CAMTA2: variants seen among roughly 807,000 people sequenced by gnomAD.
CAMTA2 encodes the protein calmodulin binding transcription activator 2, also known as calmodulin-binding transcription activator 2.
A neutral mutation model predicts 135.7 loss-of-function variants in CAMTA2; 56 were observed. The observed-to-expected ratio is 0.41, with a 90% CI of 0.33 to 0.52. The LOEUF (loss-of-function observed/expected upper bound fraction) is 0.52, where lower values mean the gene tolerates loss of function less well. Ranked by LOEUF, CAMTA2 falls within the 20% of genes least tolerant of loss-of-function variation. The pLI is 0.16. For missense variants in CAMTA2, 1,358 were observed against 1,553.4 expected (o/e 0.87, Z 2.11); for synonymous variants, 591 against 604.6 (o/e 0.98, Z 0.33).
At chr17:4,984,044 G>A (rs1452812632) in intron 3 of CAMTA2, among the ~76,000 whole-genome samples, 1 of 152,048 alleles carries the variant, frequency 6.6e-6, no homozygotes, top group Non-Finnish European at 1.5e-5. Context: ...TCTTCCTCCT[G>A]GGTTCATGCC....
In CAMTA2 at chr17:4,970,493, G is replaced by A. The variant is rs765108075; in HGVS notation, c.2852C>T (p.Pro951Leu). 34 of 1,613,648 alleles carry A rather than the reference G, an allele frequency of 2.1e-5. 1 individual carries two copies. The highest frequency in any genetic ancestry group is 2.0e-4 in the Admixed American group (12 of 60,004). The change falls in exon 17 of 23, where the codon CCG becomes CTG. Residue 951 changes from proline (P) to leucine (L), a missense_variant. Coordinates refer to ENST00000348066, the MANE Select transcript of CAMTA2 (RefSeq NM_015099.4). ...SLAKQIIEATPERIKREDFVG... is the reference protein window; with the variant it reads ...SLAKQIIEATLERIKREDFVG... ...GAAGTCCTCTCGTTTAATCCGCTCC[G>A]GTGTGGCTTCGATGATCTGCTTGGC...
At chr17:4,976,924 G>C in intron 11 of CAMTA2, 134 bp downstream of exon 11, 3 of 817,210 alleles carry the variant, frequency 3.7e-6, no homozygotes, top group Non-Finnish European at 3.8e-6. Flanking sequence ...AATCACTAAT[G>C]AAATAGGAAT....
intron 11 of CAMTA2, among the ~76,000 whole-genome samples, chr17:4,975,991 G>T (rs1972589525): frequency 6.6e-6 from 1 of 152,216 alleles, no homozygotes; most frequent in African/African-American, 2.4e-5. Context: ...TCACTGAGAA[G>T]TAGTAGTATA....
At position 4,985,865 on chromosome 17, in the gene CAMTA2, G is replaced by C; in HGVS notation, c.135+15C>G. ...AGGTCTTGCTGGGCCCCAACCCCCAGCCTCCCTAGAAAACCTCATTTGTAT... is the reference window on the plus strand; with the variant it reads ...AGGTCTTGCTGGGCCCCAACCCCCACCCTCCCTAGAAAACCTCATTTGTAT... On this transcript the variant is annotated intron_variant, in intron 3 of 22. Coordinates refer to ENST00000348066, the MANE Select transcript of CAMTA2 (RefSeq NM_015099.4). The C allele has an allele frequency of 6.3e-7, 1 of 1,588,234 alleles. No homozygotes were observed. Among genetic ancestry groups the C allele is most frequent in the Non-Finnish European group, 8.6e-7 (1 of 1,156,922 alleles).
At chr17:4,986,892 T>G (rs1353716974) in intron 1 of CAMTA2, 1 of 1,333,160 alleles carries the variant, frequency 7.5e-7, no homozygotes. Context: ...CTGACAGCCC[T>G]CTCTACGTAG....
intron 10 of CAMTA2, among the ~76,000 whole-genome samples, chr17:4,977,868 G>A (rs1485029438): frequency 6.6e-6 from 1 of 152,210 alleles, no homozygotes; most frequent in African/African-American, 2.4e-5. Flanking sequence ...ATGAAGTCTA[G>A]ACCAGTGCTG....
intron 12 of CAMTA2, 81 bp from the exon 13 acceptor site, chr17:4,973,850 C>T: frequency 7.7e-7 from 1 of 1,303,708 alleles, no homozygotes; most frequent in Non-Finnish European, 1.0e-6. Context: ...TCACATCTGT[C>T]CTCCCAGCTT....
rs1312586084 is a variant in CAMTA2, at chr17:4,969,349, G to T, written c.3283-12C>A. On this transcript the variant is annotated splice_polypyrimidine_tract_variant and intron_variant, in intron 20 of 22. Transcript: ENST00000348066. The surrounding 1 kb of genome is among the most constrained non-coding windows in gnomAD (Gnocchi z 5.6). The stretch of plus-strand genomic sequence containing the variant: ...TTATAGAGTGCAAACTGCAGGGGTG[G>T]GGAGGAGGGACAGGGGCTGAAATAG... The T allele has an allele frequency of 3.1e-6, 5 of 1,613,374 alleles. No individual in the cohort carries two copies. Among genetic ancestry groups the T allele is most frequent in the Non-Finnish European group, 4.2e-6 (5 of 1,179,540 alleles).
Position 4,981,731 on chromosome 17 carries a change from C to A in CAMTA2, c.512G>T (p.Arg171Leu). ...PIFCSISSDR[R>L]EWLKWSREEL... ...CTCCCGGGACCACTTCAGCCACTCT[C>A]GACGGTCGCTGCTGATGGAACAAAA... is the stretch of plus-strand genomic sequence containing the variant. Residue 171 changes from arginine (R) to leucine (L), a missense_variant, in exon 7 of 23, where the codon CGA (arginine) becomes CTA (leucine). Coordinates refer to ENST00000348066, the MANE Select transcript of CAMTA2 (RefSeq NM_015099.4). The A allele has an allele frequency of 1.2e-6, 2 of 1,613,602 alleles. No individual in the cohort carries two copies. The highest frequency in any genetic ancestry group is 1.7e-6 in the Non-Finnish European group (2 of 1,179,758).
In CAMTA2 at chr17:4,968,570, C is replaced by T. The variant is rs1417343797; in HGVS notation, c.*186G>A. ...AGCCAGGACCAAAAGAGACGGGGCA[C>T]GACCAGGAGGGACGAGGAGAGGGGT... On this transcript the variant is annotated 3_prime_UTR_variant, in exon 23 of 23. Coordinates refer to ENST00000348066, the MANE Select transcript of CAMTA2 (RefSeq NM_015099.4). 5 of 639,448 alleles carry T rather than the reference C, an allele frequency of 7.8e-6. No individual in the cohort carries two copies. Among genetic ancestry groups the T allele is most frequent in the African/African-American group, 3.7e-5 (2 of 54,568 alleles). 39.6% of individuals were successfully genotyped at this position (639,448 alleles called of 1,614,324 possible). A position where few individuals can be genotyped will look rare whatever the true frequency, so the allele number is the denominator to read the frequency against.
In CAMTA2 at chr17:4,978,562, A is replaced by G; in HGVS notation, c.1707T>C (p.Asp569=). 1.2e-6 allele frequency: 2 copies of G among 1,614,142 alleles called. No individual in the cohort carries two copies. Among genetic ancestry groups the G allele is most frequent in the Non-Finnish European group, 1.7e-6 (2 of 1,179,994 alleles). Residue 569 remains aspartate (D), a synonymous_variant, in exon 10 of 23, where the codon GAT becomes GAC. Coordinates refer to ENST00000348066, the MANE Select transcript of CAMTA2 (RefSeq NM_015099.4). ...EAAEHYSCVF[D]HIAVPASLVQ... ...CAAGTGAGGCTGGCACTGCGATGTG[A>G]TCAAAGACACAGGAGTAATGCTCGG... is the stretch of plus-strand genomic sequence containing the variant.
Position 4,969,738 on chromosome 17 carries a change from A to G in CAMTA2, c.3190-37T>C. The G allele has an allele frequency of 3.1e-6, 5 of 1,611,696 alleles. No individual in the cohort carries two copies. The highest frequency in any genetic ancestry group is 1.7e-4 in the Middle Eastern group (1 of 5,954). The stretch of plus-strand genomic sequence containing the variant: ...GAAGTCTCACCACCTCATGACCCAC[A>G]TAATGGCATATCTGACTTGTCCCTT... On this transcript the variant is annotated intron_variant, in intron 18 of 22. Transcript: ENST00000348066. The surrounding 1 kb of genome is among the most constrained non-coding windows in gnomAD (Gnocchi z 5.6).
chr17:4,969,439 C>G lies in CAMTA2; in HGVS notation c.3282+61G>C. 1.2e-6 allele frequency: 2 copies of G among 1,609,928 alleles called. No homozygotes were observed. Among genetic ancestry groups the G allele is most frequent in the Non-Finnish European group, 1.7e-6 (2 of 1,176,198 alleles). ...GGCTGATGCAAGACTCTCTGTAACC[C>G]ACACACTCAAGGAAAGACTGAATCA... On this transcript the variant is annotated intron_variant, in intron 20 of 22. Transcript: ENST00000348066. This position sits in a 1 kb window ranked among gnomAD's most constrained non-coding sequence, Gnocchi z 5.6.
chr17:4,973,875 T>C, intron 12 of CAMTA2, 106 bp from the exon 13 acceptor site: 1 of 871,600 alleles, frequency 1.1e-6, no homozygotes, highest in South Asian at 1.8e-5. Context: ...TTTTGCCCCC[T>C]CCCCACATGT....
chr17:4,970,350 T>C lies in CAMTA2; in HGVS notation c.2995A>G (p.Thr999Ala), dbSNP rs1972202923. 6.2e-7 allele frequency: 1 copy of C among 1,614,146 alleles called. No individual in the cohort carries two copies. Among genetic ancestry groups the C allele is most frequent in the Non-Finnish European group, 8.5e-7 (1 of 1,180,002 alleles). The change falls in exon 17 of 23, where the codon ACC becomes GCC. Residue 999 changes from threonine to alanine, a missense_variant. Transcript: ENST00000348066. Reference protein sequence around the residue: ...LENVDHFPSSTPPSELPFERG... With the variant: ...LENVDHFPSSAPPSELPFERG... ...TCCTGAGCTAGTCACCTGGGAGGGG[T>C]TGAGCTGGGGAAATGGTCCACATTC...
chr17:4,985,449 A>G (rs761471657), intron 3 of CAMTA2, among the ~76,000 whole-genome samples: 1 of 152,144 alleles, frequency 6.6e-6, no homozygotes, highest in Non-Finnish European at 1.5e-5. Context: ...TTTGAGACGG[A>G]GTCTCACTCT....
intron 12 of CAMTA2, 162 bp from the exon 13 acceptor site, chr17:4,973,931 C>T (rs1972458780): frequency 1.6e-6 from 1 of 616,386 alleles, no homozygotes; most frequent in South Asian, 2.1e-5. Flanking sequence ...TGGCCTGTGT[C>T]TCTTGCTCCC....
Position 4,978,498 on chromosome 17 carries a change from T to C in CAMTA2, c.1765+6A>G. 6.2e-7 allele frequency: 1 copy of C among 1,613,568 alleles called. No individual in the cohort carries two copies. The highest frequency in any genetic ancestry group is 8.5e-7 in the Non-Finnish European group (1 of 1,179,600). On this transcript the variant is annotated splice_donor_region_variant and intron_variant, in intron 10 of 22. Coordinates refer to ENST00000348066, the MANE Select transcript of CAMTA2 (RefSeq NM_015099.4). Reference sequence around the variant, plus strand: ...TCCCTCCCCCTACGGTTCCCAATCCTCATACCGGGACAGTAGCAGCGTAAG... The same window carrying C: ...TCCCTCCCCCTACGGTTCCCAATCCCCATACCGGGACAGTAGCAGCGTAAG...
intron 10 of CAMTA2, 107 bp downstream of exon 10, chr17:4,978,397 T>C: frequency 7.8e-7 from 1 of 1,287,696 alleles, no homozygotes; most frequent in Non-Finnish European, 1.1e-6. Flanking sequence ...CCTTGTGCTC[T>C]CAAAACAACC....
Sources: allele counts gnomAD v4.1 joint callset (sites outside exome capture counted in the v4.1 genomes callset), GRCh38; gene constraint gnomAD v4.1.1; non-coding constraint Gnocchi (gnomAD v3.1); transcripts MANE v1.5; gene names NCBI Gene and HGNC (gene_info 2026-07-23, HGNC 2026-07-21).